Variants in MAGI2 observed in about 807,000 individuals in gnomAD.
MAGI2 encodes the protein membrane-associated guanylate kinase, WW and PDZ domain-containing protein 2.
Under a neutral mutation model 133.3 loss-of-function variants are expected in MAGI2, and 35 were observed. The observed-to-expected ratio is 0.26, with a 90% CI of 0.20 to 0.35. MAGI2 has a LOEUF of 0.35. Among genes scored for constraint, MAGI2 ranks in the 10% least tolerant of loss-of-function variants. The pLI is 1.00. For missense variants in MAGI2, 1,636 were observed against 1,863.4 expected, an observed-to-expected ratio of 0.88 and a Z score of 2.25; for synonymous variants, 729 against 710.6, an observed-to-expected ratio of 1.03 and a Z score of -0.41.
rs192607790 is a variant in MAGI2 at position 78,206,366 on chromosome 7, A to C, written c.2048-5173T>G. On this transcript the variant is annotated intron_variant, in intron 10 of 21. Coordinates refer to ENST00000354212, the MANE Select transcript of MAGI2 (RefSeq NM_012301.4). ...GAGTGCAGTGGCGTGATCTTGGCTC[A>C]CTGCAACCTCCGCCTCCCGGGTTCC... 2.3e-3 allele frequency among the ~76,000 whole-genome samples: 334 copies of C among 144,708 alleles called. 1 individual carries two copies. The highest frequency in any genetic ancestry group is 8.0e-3 in the African/African-American group (313 of 38,884). The allele number at this position is 144,708 out of a possible 152,430, so 94.9% of individuals were successfully genotyped here.
intron 10 of MAGI2, among the ~76,000 whole-genome samples, chr7:78,235,845 GT>G (rs373226607): frequency 5.3e-5 from 8 of 151,862 alleles, no homozygotes; most frequent in African/African-American, 7.2e-5. Context: ...GAACCCTGGG[GT>G]TTTTTTTACA....
At chr7:78,504,408 A>C (rs1411199443) in intron 4 of MAGI2, among the ~76,000 whole-genome samples, 2 of 152,174 alleles carry the variant, frequency 1.3e-5, no homozygotes, top group Non-Finnish European at 1.5e-5. Flanking sequence ...AGGATAAACA[A>C]TGAGTCTTAT....
At chr7:78,692,596 A>C (rs1817083732) in intron 2 of MAGI2, among the ~76,000 whole-genome samples, 1 of 152,178 alleles carries the variant, frequency 6.6e-6, no homozygotes, top group Non-Finnish European at 1.5e-5. Context: ...CAGGTCATTA[A>C]TTTTCCATAT....
intron 1 of MAGI2, among the ~76,000 whole-genome samples, chr7:79,234,082 G>A (rs1831641117): frequency 7.1e-6 from 1 of 140,992 alleles, no homozygotes; most frequent in African/African-American, 2.7e-5. Context: ...ATGAAATTCT[G>A]GGTTGAAAAT....
At chr7:78,359,305 T>G (rs1207354752) in intron 7 of MAGI2, 1 of 152,174 alleles carries the variant, frequency 6.6e-6, no homozygotes, top group East Asian at 1.9e-4. Flanking sequence ...TATGAAAAAG[T>G]GCTTAGGGAC....
intron 20 of MAGI2, among the ~76,000 whole-genome samples, chr7:78,091,077 T>TGTGTGA (rs1491118136): frequency 6.8e-6 from 1 of 147,902 alleles, no homozygotes; most frequent in Non-Finnish European, 1.5e-5. Context: ...TGTGTGTGTG[T>TGTGTGA]GATAAGAGAG....
intron 1 of MAGI2, among the ~76,000 whole-genome samples, chr7:79,409,774 A>C (rs867687029): frequency 3.1e-4 from 47 of 152,252 alleles, no homozygotes; most frequent in Middle Eastern, 6.8e-3. Flanking sequence ...TGAGATAGCA[A>C]GGAAAGTAGA....
At chr7:79,444,200 C>G (rs1028109439) in intron 1 of MAGI2, among the ~76,000 whole-genome samples, 2 of 152,152 alleles carry the variant, frequency 1.3e-5, no homozygotes, top group Admixed American at 1.3e-4. Context: ...AACCCACAGT[C>G]AATATCATAC....
intron 2 of MAGI2, among the ~76,000 whole-genome samples, chr7:78,699,392 C>T (rs1162664923): frequency 1.3e-5 from 2 of 152,156 alleles, no homozygotes; most frequent in East Asian, 1.9e-4. Flanking sequence ...TGAGCCACCA[C>T]ATCTGTCCAC....
chr7:78,447,558 G>C (rs112900569), intron 6 of MAGI2, among the ~76,000 whole-genome samples: 1,600 of 152,166 alleles, frequency 0.011, 26 homozygotes, highest in African/African-American at 0.034. Context: ...AGGTCAGCGG[G>C]GGAGGTATGG....
At chr7:79,223,653 C>T (rs553472099) in intron 1 of MAGI2, among the ~76,000 whole-genome samples, 9 of 152,078 alleles carry the variant, frequency 5.9e-5, no homozygotes, top group Admixed American at 5.9e-4. Context: ...CATAGTGAGA[C>T]CCTGTCTCTA....
intron 1 of MAGI2, among the ~76,000 whole-genome samples, chr7:79,066,287 T>TG (rs1000438203): frequency 2.0e-5 from 3 of 148,682 alleles, no homozygotes; most frequent in African/African-American, 7.3e-5. Flanking sequence ...AGTGTGGTGT[T>TG]TTTTTTTTTT....
At chr7:78,742,296 C>G (rs1822513324) in intron 2 of MAGI2, among the ~76,000 whole-genome samples, 1 of 152,074 alleles carries the variant, frequency 6.6e-6, no homozygotes, top group Non-Finnish European at 1.5e-5. Context: ...ACTACACTGA[C>G]AACAAGTGAG....
rs1416575506 is a variant in MAGI2, at chr7:79,032,452, AG to A, written c.302-25247del. Reference sequence around the variant, plus strand: ...AAACTCACTTGAACCCAGGAGGTGGAGGTTGCAGTGAGCCAAGATTGCACCA... The same window carrying A: ...AAACTCACTTGAACCCAGGAGGTGGAGTTGCAGTGAGCCAAGATTGCACCA... On this transcript the variant is annotated intron_variant, in intron 1 of 21. Transcript: ENST00000354212. Among the ~76,000 whole-genome samples, 3 of 147,064 alleles carry A rather than the reference AG, an allele frequency of 2.0e-5. No individual in the cohort carries two copies. In the East Asian group the frequency reaches 6.3e-4, roughly 31 times the overall value.
At chr7:78,089,283 A>G (rs955148793) in intron 20 of MAGI2, among the ~76,000 whole-genome samples, 1 of 152,216 alleles carries the variant, frequency 6.6e-6, no homozygotes, top group Non-Finnish European at 1.5e-5. Flanking sequence ...GCCAAATCCA[A>G]TAGGAAGCCA....
chr7:78,637,177 T>C (rs38125), intron 2 of MAGI2, among the ~76,000 whole-genome samples: 137,597 of 152,290 alleles, frequency 0.9, 62,275 homozygotes, highest in East Asian at 1. Flanking sequence ...TCACAGAAAA[T>C]AAGCCATCCT....
At chr7:78,718,592 T>A (rs146773812) in intron 2 of MAGI2, among the ~76,000 whole-genome samples, 1,929 of 151,660 alleles carry the variant, frequency 0.013, 50 homozygotes, top group African/African-American at 0.044. Context: ...TGATGATGTG[T>A]CACTGTCCCC....
chr7:79,445,714 G>C (rs546542501), intron 1 of MAGI2, among the ~76,000 whole-genome samples: 1 of 152,182 alleles, frequency 6.6e-6, no homozygotes, highest in Non-Finnish European at 1.5e-5. Flanking sequence ...TTACACTGTT[G>C]GTGGGACTGT....
chr7:78,458,505 TAA>T (rs1429874035), intron 6 of MAGI2, among the ~76,000 whole-genome samples: 1 of 152,280 alleles, frequency 6.6e-6, no homozygotes, highest in East Asian at 1.9e-4. Context: ...TGTGCATATA[TAA>T]GTTTATATAT....
Sources: gnomAD v4.1 joint callset for allele counts (sites outside exome capture counted in the v4.1 genomes callset) on GRCh38, gnomAD v4.1.1 for gene constraint, MANE v1.5 for transcripts, NCBI Gene and HGNC (gene_info 2026-07-23, HGNC 2026-07-21) for gene names.